The following FHIT variants were observed in gnomAD, a reference collection of about 807,000 sequenced individuals.
FHIT encodes fragile histidine triad diadenosine triphosphatase.
In FHIT, 19 loss-of-function variants were observed where a neutral mutation model predicts 17.9. That is an observed-to-expected ratio of 1.06 (90% CI 0.74 to 1.56). The LOEUF is 1.56. Ranked by LOEUF, FHIT falls within the 40% of genes most tolerant of loss-of-function variation. The pLI, the probability that FHIT is intolerant of heterozygous loss-of-function variation, is 0.00. For missense variants in FHIT, 248 were observed against 189.2 expected (o/e 1.31, Z -1.82); for synonymous variants, 81 against 69.7 (o/e 1.16, Z -0.81).
At chr3:60,064,023 A>G (rs1313804148) in intron 5 of FHIT, among the ~76,000 whole-genome samples, 1 of 152,188 alleles carries the variant, frequency 6.6e-6, no homozygotes, top group African/African-American at 2.4e-5. Context: ...TTTTGTTTAG[A>G]TGTCAACATG....
chr3:60,841,101 C>A (rs1346973981), intron 3 of FHIT, among the ~76,000 whole-genome samples: 1 of 152,134 alleles, frequency 6.6e-6, no homozygotes, highest in Non-Finnish European at 1.5e-5. Context: ...AAATCCAATT[C>A]TTCATCTGTA....
chr3:60,252,315 G>C (rs1207741358), intron 5 of FHIT, among the ~76,000 whole-genome samples: 1 of 151,014 alleles, frequency 6.6e-6, no homozygotes, highest in Non-Finnish European at 1.5e-5. Flanking sequence ...AAACCAAAGC[G>C]GGAAAATTGC....
intron 4 of FHIT, among the ~76,000 whole-genome samples, chr3:60,750,397 T>C (rs138964412): frequency 7.8e-4 from 119 of 152,316 alleles, no homozygotes; most frequent in African/African-American, 2.8e-3. Flanking sequence ...CCAAATCTTA[T>C]CTTGAATTGT....
chr3:60,801,895 T>C (rs1447927), intron 4 of FHIT, among the ~76,000 whole-genome samples: 21,393 of 152,222 alleles, frequency 0.14, 1,640 homozygotes, highest in African/African-American at 0.19. Flanking sequence ...CAGTGATTCC[T>C]TCCCCCAACA....
At chr3:60,694,149 C>T (rs1233911640) in intron 4 of FHIT, among the ~76,000 whole-genome samples, 1 of 152,116 alleles carries the variant, frequency 6.6e-6, no homozygotes, top group Non-Finnish European at 1.5e-5. Flanking sequence ...GCAATATGAA[C>T]ACCATAAAAA....
At chr3:61,008,115 T>A (rs574043601) in intron 3 of FHIT, among the ~76,000 whole-genome samples, 2 of 152,254 alleles carry the variant, frequency 1.3e-5, no homozygotes, top group South Asian at 2.1e-4. Flanking sequence ...TGCACACCCA[T>A]CTCCAGTTCT....
At chr3:60,451,139 C>T (rs571077921) in intron 5 of FHIT, among the ~76,000 whole-genome samples, 1 of 150,172 alleles carries the variant, frequency 6.7e-6, no homozygotes, top group African/African-American at 2.5e-5. Flanking sequence ...TTTCTTACTA[C>T]TTGAAAAAAT....
chr3:60,257,239 G>C (rs1432196244), intron 5 of FHIT, among the ~76,000 whole-genome samples: 1 of 152,150 alleles, frequency 6.6e-6, no homozygotes, highest in Admixed American at 6.5e-5. Flanking sequence ...ACCTATTGCT[G>C]AAAATGTTCT....
intron 5 of FHIT, among the ~76,000 whole-genome samples, chr3:60,528,341 TAA>T (rs2035649656): frequency 1.3e-5 from 2 of 152,136 alleles, no homozygotes; most frequent in African/African-American, 4.8e-5. Context: ...AAAATTATCT[TAA>T]TGTAAGATAT....
chr3:59,808,970 G>A (rs772823230), intron 8 of FHIT, among the ~76,000 whole-genome samples: 1 of 152,050 alleles, frequency 6.6e-6, no homozygotes, highest in Non-Finnish European at 1.5e-5. Context: ...GGAAACCCAC[G>A]GTGACTGAAG....
At chr3:60,952,211 A>G (rs1266096823) in intron 3 of FHIT, among the ~76,000 whole-genome samples, 3 of 138,304 alleles carry the variant, frequency 2.2e-5, no homozygotes, top group Non-Finnish European at 4.6e-5. Context: ...CTTTTTATCT[A>G]TCTATACCAC....
chr3:60,298,674 G>T (rs1708317275), intron 5 of FHIT, among the ~76,000 whole-genome samples: 6 of 152,036 alleles, frequency 3.9e-5, no homozygotes, highest in Admixed American at 3.9e-4. Flanking sequence ...TCACAAAGTG[G>T]TATTAAATTT....
chr3:60,373,355 G>A (rs1011382084), intron 5 of FHIT, among the ~76,000 whole-genome samples: 1 of 152,158 alleles, frequency 6.6e-6, no homozygotes, highest in African/African-American at 2.4e-5. Context: ...TAAAGTTCTA[G>A]ATAAATGAAA....
chr3:60,751,388 A>T (rs2042463334), intron 4 of FHIT, among the ~76,000 whole-genome samples: 3 of 152,244 alleles, frequency 2.0e-5, no homozygotes, highest in Admixed American at 6.5e-5. Flanking sequence ...GATCCTTTCC[A>T]GATGCTTCTA....
intron 3 of FHIT, among the ~76,000 whole-genome samples, chr3:61,038,448 G>A (rs893654984): frequency 2.0e-5 from 3 of 152,182 alleles, no homozygotes; most frequent in Non-Finnish European, 2.9e-5. Flanking sequence ...TCTAGGTTAA[G>A]AGACTTAAGG....
chr3:60,842,816 G>A (rs1227257335), intron 3 of FHIT, among the ~76,000 whole-genome samples: 1 of 151,778 alleles, frequency 6.6e-6, no homozygotes, highest in Non-Finnish European at 1.5e-5. Context: ...CTGTGGTTTA[G>A]GAGCAGAGGA....
chr3:60,895,697 T>C lies in FHIT; in HGVS notation c.-110-73686A>G, dbSNP rs1029961851. ...TTCTTTCTTTCTTTCTTTCTTTCTT[T>C]CTTTCTTTCTTTCTTTCTTTCTTTC... On this transcript the variant is annotated intron_variant, in intron 3 of 9. Coordinates refer to ENST00000492590, the MANE Select transcript of FHIT (RefSeq NM_002012.4). Among the ~76,000 whole-genome samples the C allele has an allele frequency of 3.2e-3, 456 of 144,436 alleles. 4 individuals are homozygous for C. Among genetic ancestry groups the C allele is most frequent in the African/African-American group, 0.011 (435 of 39,450 alleles). 94.8% of individuals were successfully genotyped at this position (144,436 alleles called of 152,430 possible).
chr3:60,132,834 T>A (rs537176172), intron 5 of FHIT, among the ~76,000 whole-genome samples: 1 of 152,168 alleles, frequency 6.6e-6, no homozygotes, highest in Non-Finnish European at 1.5e-5. Context: ...AAAACTTTTT[T>A]AAAATCAAAA....
At chr3:59,931,651 G>GA (rs993029439) in intron 7 of FHIT, among the ~76,000 whole-genome samples, 32 of 151,500 alleles carry the variant, frequency 2.1e-4, no homozygotes, top group African/African-American at 6.3e-4. Flanking sequence ...AAACTTCGAG[G>GA]AAAAAAATAA....
Sources: allele counts gnomAD v4.1 joint callset (sites outside exome capture counted in the v4.1 genomes callset), GRCh38; gene constraint gnomAD v4.1.1; transcripts MANE v1.5; gene names NCBI Gene and HGNC (gene_info 2026-07-23, HGNC 2026-07-21).